The following EPB41L3 variants were observed in gnomAD, a reference collection of about 807,000 sequenced individuals.
EPB41L3 encodes band 4.1-like protein 3.
A neutral mutation model predicts 127.1 loss-of-function variants in EPB41L3; 57 were observed. That is an observed-to-expected ratio of 0.45 (90% CI 0.36 to 0.56). The LOEUF (loss-of-function observed/expected upper bound fraction) is 0.56, where lower values mean the gene tolerates loss of function less well. Ranked by LOEUF, EPB41L3 falls within the 20% of genes least tolerant of loss-of-function variation. The pLI, the probability that EPB41L3 is intolerant of heterozygous loss-of-function variation, is 0.00. For synonymous variants in EPB41L3, 572 were observed against 549.5 expected (o/e 1.04, Z -0.57); for missense variants, 1,273 against 1,372.2 (o/e 0.93, Z 1.14).
At chr18:5,561,968 T>C (rs1046665358) in intron 3 of EPB41L3, among the ~76,000 whole-genome samples, 4 of 152,154 alleles carry the variant, frequency 2.6e-5, no homozygotes, top group Non-Finnish European at 5.9e-5. Flanking sequence ...TGAGATACTC[T>C]TCAAAAGTGT....
chr18:5,443,007 T>A (rs2081003756), intron 5 of EPB41L3, among the ~76,000 whole-genome samples: 1 of 152,226 alleles, frequency 6.6e-6, no homozygotes, highest in African/African-American at 2.4e-5. Context: ...ATAATTTCTT[T>A]ATACATGGAT....
chr18:5,404,497 C>T (rs1332511486), intron 16 of EPB41L3, among the ~76,000 whole-genome samples: 2 of 152,138 alleles, frequency 1.3e-5, no homozygotes, highest in Non-Finnish European at 2.9e-5. Flanking sequence ...AGTTTTTCTG[C>T]ACTAACACAG....
chr18:5,478,411 C>A lies in EPB41L3; in HGVS notation c.211G>T (p.Ala71Ser), dbSNP rs2087686930. The change falls in exon 3 of 23, where the codon GCC (alanine) becomes TCC (serine). Residue 71 changes from alanine to serine, a missense_variant. Physicochemically the swap from Ala to Ser is moderately conservative, Grantham distance 99. This residue lies in a region of EPB41L3 where 182 missense variants were observed against 149.2 expected (regional missense o/e 1.22). Coordinates refer to ENST00000341928, the MANE Select transcript of EPB41L3 (RefSeq NM_012307.5). ...EVTDKEQEFA[A>S]RAAKQLEYQQ... ...TATTCGAGCTGTTTTGCAGCCCTGGCAGCAAACTCCTGTTCCTTGTCAGTG... is the reference window on the plus strand; with the variant it reads ...TATTCGAGCTGTTTTGCAGCCCTGGAAGCAAACTCCTGTTCCTTGTCAGTG... The A allele has an allele frequency of 1.2e-6, 2 of 1,614,160 alleles. No homozygotes were observed. Among genetic ancestry groups the A allele is most frequent in the East Asian group, 2.2e-5 (1 of 44,874 alleles).
At chr18:5,473,620 A>C (rs1259202221) in intron 3 of EPB41L3, among the ~76,000 whole-genome samples, 1 of 152,062 alleles carries the variant, frequency 6.6e-6, no homozygotes, top group Non-Finnish European at 1.5e-5. Context: ...CAAACATGGA[A>C]GCAGCAAAAT....
chr18:5,570,685 G>A (rs1272245866), intron 3 of EPB41L3: 2 of 152,074 alleles, frequency 1.3e-5, no homozygotes, highest in Non-Finnish European at 2.9e-5. Context: ...CATGTGCCAT[G>A]TTGGTGTGCT....
chr18:5,536,945 A>C (rs1164834823), intron 1 of EPB41L3, among the ~76,000 whole-genome samples: 2 of 152,258 alleles, frequency 1.3e-5, no homozygotes, highest in Non-Finnish European at 2.9e-5. Context: ...GTATATGTAC[A>C]AAATGATGCT....
intron 3 of EPB41L3, among the ~76,000 whole-genome samples, chr18:5,554,910 A>T (rs2094013046): frequency 6.6e-6 from 1 of 152,222 alleles, no homozygotes; most frequent in African/African-American, 2.4e-5. Flanking sequence ...GGTGATATTT[A>T]TAAAGATTTA....
chr18:5,598,426 C>T (rs746551872), intron 3 of EPB41L3, among the ~76,000 whole-genome samples: 13 of 151,870 alleles, frequency 8.6e-5, no homozygotes, highest in South Asian at 2.1e-4. Flanking sequence ...GTATGTCATT[C>T]GTTTATGTTA....
intron 1 of EPB41L3, among the ~76,000 whole-genome samples, chr18:5,531,326 G>A (rs2093404407): frequency 1.3e-5 from 2 of 152,196 alleles, no homozygotes; most frequent in Non-Finnish European, 2.9e-5. Context: ...AGCCAGAATT[G>A]CAGTCAAAAT....
chr18:5,452,978 C>T (rs1257736567), intron 3 of EPB41L3, among the ~76,000 whole-genome samples: 1 of 152,100 alleles, frequency 6.6e-6, no homozygotes, highest in East Asian at 1.9e-4. Flanking sequence ...GGGTGACTGA[C>T]GGGTACAAAC....
intron 1 of EPB41L3, among the ~76,000 whole-genome samples, chr18:5,537,715 G>A (rs118068887): frequency 6.6e-6 from 1 of 152,230 alleles, no homozygotes; most frequent in Non-Finnish European, 1.5e-5. Context: ...CTAAAGGCAG[G>A]TCTCTTGACT....
At chr18:5,479,109 A>G (rs945770518) in intron 2 of EPB41L3, among the ~76,000 whole-genome samples, 1 of 152,252 alleles carries the variant, frequency 6.6e-6, no homozygotes, top group East Asian at 1.9e-4. Context: ...AGACTAGTCC[A>G]GGCTAGTTAT....
intron 2 of EPB41L3, among the ~76,000 whole-genome samples, chr18:5,613,631 T>C (rs530377518): frequency 2.0e-5 from 3 of 152,272 alleles, no homozygotes; most frequent in African/African-American, 7.2e-5. Context: ...ACTGAGACCT[T>C]ATTTGCCTTT....
intron 3 of EPB41L3, among the ~76,000 whole-genome samples, chr18:5,457,547 A>C (rs1252931862): frequency 1.3e-5 from 2 of 152,010 alleles, no homozygotes; most frequent in African/African-American, 4.8e-5. Context: ...AAAAAGAAAA[A>C]AACACACACA....
chr18:5,547,899 G>T (rs551417819), upstream of EPB41L3, among the ~76,000 whole-genome samples: 25 of 152,338 alleles, frequency 1.6e-4, no homozygotes, highest in South Asian at 4.1e-4. Context: ...ACTCCAGAAA[G>T]AAATAATAGA....
intron 1 of EPB41L3, among the ~76,000 whole-genome samples, chr18:5,527,466 C>A (rs1438063078): frequency 2.7e-4 from 41 of 152,294 alleles, no homozygotes; most frequent in African/African-American, 8.9e-4. Context: ...TTAAACGACT[C>A]TTTCATTTGA....
chr18:5,459,284 T>C (rs1469107348), intron 3 of EPB41L3, among the ~76,000 whole-genome samples: 1 of 152,088 alleles, frequency 6.6e-6, no homozygotes, highest in Non-Finnish European at 1.5e-5. Flanking sequence ...AACCAACGAA[T>C]ATATAGCTCT....
chr18:5,554,177 T>A (rs1319116619), intron 3 of EPB41L3, among the ~76,000 whole-genome samples: 1 of 152,226 alleles, frequency 6.6e-6, no homozygotes, highest in Non-Finnish European at 1.5e-5. Flanking sequence ...TCTCCTTTTT[T>A]CCCATGACCT....
Position 5,419,807 on chromosome 18 carries a change from C to T in EPB41L3, c.1410G>A (p.Pro470=), listed in dbSNP as rs1217110501. The T allele has an allele frequency of 2.1e-5, 34 of 1,614,080 alleles. No homozygotes were observed. The highest frequency in any genetic ancestry group is 4.4e-5 in the South Asian group (4 of 91,086). Residue 470 remains proline, a synonymous_variant, in exon 12 of 23, where the codon CCG becomes CCA. Transcript: ENST00000341928. ...SQTNLITTVT[P]EKKAEEERDE... ...CCCGCTCCTCCTCAGCCTTCTTCTC[C>T]GGAGTCACAGTGGTGATCAAGTTGG...
Sources: allele counts gnomAD v4.1 joint callset (sites outside exome capture counted in the v4.1 genomes callset), GRCh38; gene constraint gnomAD v4.1.1; regional missense constraint gnomAD v4.1.1; transcripts MANE v1.5; gene names NCBI Gene and HGNC (gene_info 2026-07-23, HGNC 2026-07-21).